Variants in MORN1 observed in about 807,000 individuals in gnomAD.
MORN1 encodes MORN repeat-containing protein 1.
In MORN1, 67 loss-of-function variants were observed where a neutral mutation model predicts 61.9. The ratio of observed to expected loss-of-function variants is 1.08; its 90% CI spans 0.89 to 1.33. The LOEUF (loss-of-function observed/expected upper bound fraction) is 1.33, where lower values mean the gene tolerates loss of function less well. MORN1 is among the 40% of genes most tolerant of loss of function. The pLI, the probability that MORN1 is intolerant of heterozygous loss-of-function variation, is 0.00. For missense variants in MORN1, 752 were observed against 691.2 expected, an observed-to-expected ratio of 1.09 and a Z score of -0.99; for synonymous variants, 301 against 292.0, an observed-to-expected ratio of 1.03 and a Z score of -0.31.
intron 10 of MORN1, among the ~76,000 whole-genome samples, chr1:2,348,759 G>A (rs1250621078): frequency 2.9e-5 from 4 of 139,396 alleles, no homozygotes; most frequent in African/African-American, 8.7e-5. Context: ...GCACACACAC[G>A]CACACCTGCG....
chr1:2,358,566 A>C, intron 9 of MORN1, 26 bp downstream of exon 9: 1 of 1,613,788 alleles, frequency 6.2e-7, no homozygotes, highest in Non-Finnish European at 8.5e-7. Flanking sequence ...ACTCAGAACT[A>C]ACTCATTGGT....
intron 10 of MORN1, among the ~76,000 whole-genome samples, chr1:2,353,271 G>A (rs1016524873): frequency 6.6e-6 from 1 of 152,264 alleles, no homozygotes; most frequent in African/African-American, 2.4e-5. Flanking sequence ...CCCTGGACAC[G>A]CTGGACAGCC....
At chr1:2,388,027 AT>A (rs1642546881) in intron 3 of MORN1, 1 of 530,450 alleles carries the variant, frequency 1.9e-6, no homozygotes, top group Admixed American at 3.4e-5. Context: ...ATAAATCTTT[AT>A]TCTAGAAAAG....
intron 10 of MORN1, chr1:2,352,054 C>T: frequency 1.8e-6 from 1 of 550,918 alleles, no homozygotes; most frequent in African/African-American, 1.9e-5. Flanking sequence ...CCACCAAGAC[C>T]CTAGCATACT....
rs1370115343 is a variant in MORN1, at chr1:2,334,325, C to A, written c.1250+2144G>T. Among the ~76,000 whole-genome samples the A allele has an allele frequency of 6.6e-6, 1 of 152,182 alleles. No homozygotes were observed. Among genetic ancestry groups the A allele is most frequent in the African/African-American group, 2.4e-5 (1 of 41,444 alleles). ...CAGGCTCCATGGAGGACGAGAGGCA[C>A]AGGCCCAGGTTTGTCTCTAAGTCGC... On this transcript the variant is annotated intron_variant, in intron 12 of 13. Transcript: ENST00000378531. The surrounding 1 kb of genome is among the most constrained non-coding windows in gnomAD (Gnocchi z 5.4).
intron 13 of MORN1, chr1:2,323,437 C>G (rs1278577434): frequency 1.0e-6 from 1 of 985,296 alleles, no homozygotes; most frequent in African/African-American, 1.7e-5. Flanking sequence ...GACAGAGAGG[C>G]TCCATTCTCC....
intron 12 of MORN1, among the ~76,000 whole-genome samples, chr1:2,331,745 G>A (rs1038004671): frequency 6.6e-6 from 1 of 152,164 alleles, no homozygotes; most frequent in African/African-American, 2.4e-5. Context: ...TGTAACAAAG[G>A]CGCGCGTTTC....
chr1:2,331,064 G>GGC lies in MORN1; in HGVS notation c.1250+5403_1250+5404dup, dbSNP rs1323608440. Reference sequence around the variant, plus strand: ...GCCCCTCCCAGGGCAGCAGGCGGCGGGCACGTGCGGGGCCCTCATGTCTGG... The same window carrying GGC: ...GCCCCTCCCAGGGCAGCAGGCGGCGGGCGCACGTGCGGGGCCCTCATGTCTGG... On this transcript the variant is annotated intron_variant, in intron 12 of 13. Coordinates refer to ENST00000378531, the MANE Select transcript of MORN1 (RefSeq NM_024848.3). Among the ~76,000 whole-genome samples, 5 of 152,126 alleles carry GGC rather than the reference G, an allele frequency of 3.3e-5. No individual in the cohort carries two copies. The East Asian group carries it at 5.8e-4, about 18-fold the overall frequency.
At chr1:2,356,674 A>G (rs1261710094) in intron 10 of MORN1, among the ~76,000 whole-genome samples, 1 of 152,180 alleles carries the variant, frequency 6.6e-6, no homozygotes, top group East Asian at 1.9e-4. Flanking sequence ...AGGGCCTCCC[A>G]ACGCTGTCAA....
At chr1:2,381,933 G>A (rs1161957469) in intron 6 of MORN1, among the ~76,000 whole-genome samples, 1 of 152,212 alleles carries the variant, frequency 6.6e-6, no homozygotes, top group Non-Finnish European at 1.5e-5. Context: ...CCTGGTGGAT[G>A]CGCTGAGCAC....
intron 10 of MORN1, among the ~76,000 whole-genome samples, chr1:2,344,251 G>A (rs1641461586): frequency 1.3e-5 from 2 of 152,288 alleles, no homozygotes; most frequent in South Asian, 2.1e-4. Context: ...GGCGTGGCCA[G>A]GCACAAGGGG....
intron 1 of MORN1, chr1:2,390,655 T>C (rs1642628718): frequency 1.0e-6 from 1 of 985,230 alleles, no homozygotes; most frequent in Non-Finnish European, 1.2e-6. Context: ...CTGTCCCAAA[T>C]CAGGGTCAGG....
chr1:2,348,751 A>G (rs1308846736), intron 10 of MORN1, among the ~76,000 whole-genome samples: 2 of 85,826 alleles, frequency 2.3e-5, no homozygotes, highest in African/African-American at 1.1e-4. Context: ...GCGGGCACGC[A>G]CACACACGCA....
chr1:2,378,904 C>T (rs1046308735), intron 6 of MORN1: 16 of 455,764 alleles, frequency 3.5e-5, no homozygotes, highest in Middle Eastern at 4.2e-4. Context: ...CGGCCTGAGC[C>T]GCGTGGCTCC....
chr1:2,342,001 A>T (rs1044613898), intron 10 of MORN1, among the ~76,000 whole-genome samples: 1 of 152,246 alleles, frequency 6.6e-6, no homozygotes, highest in Non-Finnish European at 1.5e-5. Context: ...GCACTTCCCG[A>T]GCCAAGGCCA....
At chr1:2,335,231 G>A (rs1641239812) in intron 12 of MORN1, among the ~76,000 whole-genome samples, 1 of 152,216 alleles carries the variant, frequency 6.6e-6, no homozygotes, top group Non-Finnish European at 1.5e-5. Flanking sequence ...GCTGCAGCAG[G>A]CCCTCCTCCC....
chr1:2,326,173 C>T (rs1206530619), intron 12 of MORN1: 1 of 152,194 alleles, frequency 6.6e-6, no homozygotes, highest in Non-Finnish European at 1.5e-5. Flanking sequence ...AACTTAAATC[C>T]TACAGGCAGC....
chr1:2,349,329 C>A (rs928198523), intron 10 of MORN1, among the ~76,000 whole-genome samples: 1 of 152,204 alleles, frequency 6.6e-6, no homozygotes, highest in Non-Finnish European at 1.5e-5. Context: ...GGTGCTCCAC[C>A]CGCCTGCCGA....
At chr1:2,329,421 ACCCGGTG>A (rs562599174) in intron 12 of MORN1, among the ~76,000 whole-genome samples, 58 of 152,252 alleles carry the variant, frequency 3.8e-4, no homozygotes, top group African/African-American at 1.3e-3. Flanking sequence ...GGGCCAGGGC[ACCCGGTG>A]CCCCCAGCTT....
Sources: allele counts gnomAD v4.1 joint callset (sites outside exome capture counted in the v4.1 genomes callset), GRCh38; gene constraint gnomAD v4.1.1; non-coding constraint Gnocchi (gnomAD v3.1); transcripts MANE v1.5; gene names NCBI Gene and HGNC (gene_info 2026-07-23, HGNC 2026-07-21).